STARD13: variants seen among roughly 807,000 people sequenced by gnomAD.
The protein encoded by STARD13 is stAR-related lipid transfer protein 13.
Under a neutral mutation model 106.4 loss-of-function variants are expected in STARD13, and 62 were observed. The ratio of observed to expected loss-of-function variants is 0.58; its 90% CI spans 0.48 to 0.72. STARD13 has a LOEUF of 0.72. Among genes scored for constraint, STARD13 ranks in the 30% least tolerant of loss-of-function variants. STARD13 has a pLI of 0.00. For missense variants in STARD13, 1,387 were observed against 1,424.0 expected, an observed-to-expected ratio of 0.97 and a Z score of 0.42; for synonymous variants, 565 against 553.0, an observed-to-expected ratio of 1.02 and a Z score of -0.31.
chr13:33,468,007 C>G, the STARD13 span, among the ~76,000 whole-genome samples: 34 of 152,240 alleles, frequency 2.2e-4, no homozygotes, highest in Admixed American at 2.2e-3. Flanking sequence ...AAAATTGATG[C>G]ATCATCTTTT....
chr13:33,265,646 C>T (rs1425762919), intron 1 of STARD13, among the ~76,000 whole-genome samples: 3 of 152,136 alleles, frequency 2.0e-5, no homozygotes, highest in East Asian at 1.9e-4. Context: ...CCTTGCCACT[C>T]ATATTAAATT....
At chr13:33,473,152 C>T in the STARD13 span, among the ~76,000 whole-genome samples, 2 of 152,122 alleles carry the variant, frequency 1.3e-5, no homozygotes, top group African/African-American at 4.8e-5. Flanking sequence ...TGGTGTTAGA[C>T]ACAGGAGATA....
chr13:33,167,412 G>A (rs1005535901), intron 2 of STARD13, 139 bp downstream of exon 2: 3 of 761,950 alleles, frequency 3.9e-6, no homozygotes, highest in Non-Finnish European at 6.4e-6. Flanking sequence ...CCTGGGCATA[G>A]CAAAAAGGCC....
At chr13:33,128,426 G>A (rs941930044) in intron 5 of STARD13, among the ~76,000 whole-genome samples, 1 of 152,122 alleles carries the variant, frequency 6.6e-6, no homozygotes, top group Admixed American at 6.5e-5. Context: ...CTTCTGAAAC[G>A]GTCTTTGTAG....
chr13:33,481,364 C>G, the STARD13 span, among the ~76,000 whole-genome samples: 1 of 152,152 alleles, frequency 6.6e-6, no homozygotes, highest in South Asian at 2.1e-4. Context: ...AAAGAAATAA[C>G]CAGATATTAG....
the STARD13 span, among the ~76,000 whole-genome samples, chr13:33,432,898 G>A: frequency 2.0e-5 from 3 of 152,172 alleles, no homozygotes; most frequent in East Asian, 5.8e-4. Flanking sequence ...ATGAAATAAC[G>A]CTTTATTTTC....
At chr13:33,272,199 C>G (rs867824013) in intron 1 of STARD13, among the ~76,000 whole-genome samples, 4 of 152,148 alleles carry the variant, frequency 2.6e-5, no homozygotes, top group Non-Finnish European at 5.9e-5. Flanking sequence ...ATGCTTGGCA[C>G]CAGAAGTGTT....
intron 1 of STARD13, among the ~76,000 whole-genome samples, chr13:33,240,478 G>A (rs1594151117): frequency 6.6e-6 from 1 of 152,216 alleles, no homozygotes; most frequent in East Asian, 1.9e-4. Context: ...ACTTTGAGTA[G>A]TATAAACATT....
intron 1 of STARD13, among the ~76,000 whole-genome samples, chr13:33,202,776 G>A (rs142254221): frequency 3.2e-4 from 48 of 152,240 alleles, no homozygotes; most frequent in African/African-American, 1.1e-3. Flanking sequence ...TGGGCAGAGC[G>A]TGGAGGTGTG....
intron 1 of STARD13, among the ~76,000 whole-genome samples, chr13:33,308,450 C>T (rs190453397): frequency 1.5e-4 from 23 of 151,206 alleles, no homozygotes; most frequent in Admixed American, 1.2e-3. Flanking sequence ...TTGAGCCCCA[C>T]TAATTACTTG....
At chr13:33,647,464 C>A in the STARD13 span, among the ~76,000 whole-genome samples, 1 of 152,180 alleles carries the variant, frequency 6.6e-6, no homozygotes, top group Non-Finnish European at 1.5e-5. Flanking sequence ...AGAGGTCATT[C>A]AGCAGCCCCT....
At chr13:33,240,988 A>G (rs926719262) in intron 1 of STARD13, among the ~76,000 whole-genome samples, 26 of 152,202 alleles carry the variant, frequency 1.7e-4, no homozygotes, top group Non-Finnish European at 3.7e-4. Flanking sequence ...TGTTTTCTAC[A>G]TATAAGATCA....
At chr13:33,571,233 CTTTAT>C in the STARD13 span, among the ~76,000 whole-genome samples, 1 of 152,120 alleles carries the variant, frequency 6.6e-6, no homozygotes, top group East Asian at 1.9e-4. Flanking sequence ...GTAGAATTAC[CTTTAT>C]TTTAAGTTGG....
chr13:33,528,868 A>G, the STARD13 span, among the ~76,000 whole-genome samples: 1 of 152,162 alleles, frequency 6.6e-6, no homozygotes, highest in African/African-American at 2.4e-5. Context: ...GAAACCAGTA[A>G]TAAAATTATC....
chr13:33,465,009 C>T, the STARD13 span, among the ~76,000 whole-genome samples: 1 of 152,258 alleles, frequency 6.6e-6, no homozygotes, highest in South Asian at 2.1e-4. Context: ...ATTTGGGAAG[C>T]ATCCTTGATT....
At chr13:33,390,428 T>C in the STARD13 span, among the ~76,000 whole-genome samples, 1 of 152,134 alleles carries the variant, frequency 6.6e-6, no homozygotes, top group African/African-American at 2.4e-5. Context: ...TTAGAACAAG[T>C]TACTAGGAAT....
the STARD13 span, among the ~76,000 whole-genome samples, chr13:33,402,437 A>C: frequency 6.6e-6 from 1 of 152,372 alleles, no homozygotes; most frequent in South Asian, 2.1e-4. Context: ...ATTCTCTTCA[A>C]TAAGGATTTG....
At chr13:33,448,986 C>T in the STARD13 span, among the ~76,000 whole-genome samples, 7 of 151,552 alleles carry the variant, frequency 4.6e-5, no homozygotes, top group Non-Finnish European at 7.4e-5. Flanking sequence ...TGGATATTAA[C>T]GCCTCATCAG....
chr13:33,305,605 A>G (rs1022063315), intron 1 of STARD13, among the ~76,000 whole-genome samples: 4 of 152,248 alleles, frequency 2.6e-5, no homozygotes, highest in African/African-American at 4.8e-5. Context: ...AAGTCTTAAG[A>G]CATATTAAAG....
Sources: gnomAD v4.1 joint callset for allele counts (sites outside exome capture counted in the v4.1 genomes callset) on GRCh38, gnomAD v4.1.1 for gene constraint, MANE v1.5 for transcripts, NCBI Gene and HGNC (gene_info 2026-07-23, HGNC 2026-07-21) for gene names.